The following MELK variants were observed in gnomAD, a reference collection of about 807,000 sequenced individuals.
The protein encoded by MELK is maternal embryonic leucine zipper kinase.
A neutral mutation model predicts 85.0 loss-of-function variants in MELK; 81 were observed. That is an observed-to-expected ratio of 0.95 (90% CI 0.80 to 1.15). The LOEUF is 1.15. MELK is among the 50% of genes most tolerant of loss of function. The pLI is 0.00. For synonymous variants in MELK, 252 were observed against 265.0 expected, an observed-to-expected ratio of 0.95 and a Z score of 0.48; for missense variants, 754 against 777.5, an observed-to-expected ratio of 0.97 and a Z score of 0.36.
chr9:36,614,128 G>A (rs556188165), intron 8 of MELK, among the ~76,000 whole-genome samples: 4 of 147,290 alleles, frequency 2.7e-5, no homozygotes, highest in Admixed American at 2.1e-4. Flanking sequence ...ACAGAGTCTC[G>A]CCCTGTCGTC....
At chr9:36,576,727 T>G (rs1821695627) in intron 1 of MELK, among the ~76,000 whole-genome samples, 1 of 152,126 alleles carries the variant, frequency 6.6e-6, no homozygotes, top group Admixed American at 6.6e-5. Flanking sequence ...AGACGGGGTT[T>G]CTGCATGTTG....
chr9:36,595,270 G>A (rs996302978), intron 5 of MELK, among the ~76,000 whole-genome samples: 1 of 151,958 alleles, frequency 6.6e-6, no homozygotes, highest in Non-Finnish European at 1.5e-5. Context: ...CGAGTGGCTG[G>A]GACTACAGGC....
chr9:36,583,772 C>T, intron 3 of MELK, 60 bp downstream of exon 3: 1 of 1,153,188 alleles, frequency 8.7e-7, no homozygotes, highest in Non-Finnish European at 1.3e-6. Context: ...GAATTAAAAC[C>T]TGAATTGTTC....
chr9:36,670,611 A>G (rs949121341), intron 15 of MELK, among the ~76,000 whole-genome samples: 10 of 151,574 alleles, frequency 6.6e-5, no homozygotes, highest in African/African-American at 2.4e-4. Context: ...ATCTATATAC[A>G]TATGTACATT....
chr9:36,621,275 G>GAAAAAAAAAAAAAAAAAA lies in MELK; in HGVS notation c.667-8999_667-8982dup, dbSNP rs74181196. Among the ~76,000 whole-genome samples, 7 of 32,446 alleles carry GAAAAAAAAAAAAAAAAAA rather than the reference G, an allele frequency of 2.2e-4. 2 individuals are homozygous for GAAAAAAAAAAAAAAAAAA. Among genetic ancestry groups the GAAAAAAAAAAAAAAAAAA allele is most frequent in the Non-Finnish European group, 6.2e-4 (7 of 11,226 alleles). 21.3% of individuals were successfully genotyped at this position (32,446 alleles called of 152,430 possible). On this transcript the variant is annotated intron_variant, in intron 8 of 17. Transcript: ENST00000298048. ...TGACAGAGTGAGACTCTGTCTCAGG[G>GAAAAAAAAAAAAAAAAAA]AAAAAAAAAAAAAAAAAAAAAAAAA...
rs1829893285 is a variant in MELK at position 36,642,984 on chromosome 9, T to A, written c.835-13T>A. On this transcript the variant is annotated splice_polypyrimidine_tract_variant and intron_variant, in intron 10 of 17. Coordinates refer to ENST00000298048, the MANE Select transcript of MELK (RefSeq NM_014791.4). ...AATTTTTTGTTAATAAAGTGCATAATTTTTTTTTGTAGTTTATTCACCTCG... is the reference window on the plus strand; with the variant it reads ...AATTTTTTGTTAATAAAGTGCATAAATTTTTTTTGTAGTTTATTCACCTCG... The A allele has an allele frequency of 6.7e-7, 1 of 1,496,784 alleles. No homozygotes were observed. Among genetic ancestry groups the A allele is most frequent in the Non-Finnish European group, 9.1e-7 (1 of 1,098,636 alleles). The allele number at this position is 1,496,784 out of a possible 1,614,324, so 92.7% of individuals were successfully genotyped here. A position where few individuals can be genotyped will look rare whatever the true frequency, so the allele number is the denominator to read the frequency against.
At chr9:36,656,840 C>A (rs1035310611) in intron 12 of MELK, among the ~76,000 whole-genome samples, 1 of 152,150 alleles carries the variant, frequency 6.6e-6, no homozygotes, top group Admixed American at 6.5e-5. Context: ...CTGGCTCCAA[C>A]GCCTGAGCTT....
At chr9:36,615,659 C>G (rs1826642469) in intron 8 of MELK, among the ~76,000 whole-genome samples, 1 of 139,500 alleles carries the variant, frequency 7.2e-6, no homozygotes, top group Non-Finnish European at 1.5e-5. Flanking sequence ...GGCAGAGACG[C>G]TCCTCACCTC....
intron 1 of MELK, among the ~76,000 whole-genome samples, chr9:36,578,788 C>T (rs1314854983): frequency 6.6e-6 from 1 of 152,088 alleles, no homozygotes; most frequent in African/African-American, 2.4e-5. Context: ...ATGTTACCTT[C>T]TCAGAAACCA....
intron 15 of MELK, 29 bp from the exon 16 acceptor site, chr9:36,670,969 C>T: frequency 1.9e-6 from 3 of 1,587,462 alleles, no homozygotes; most frequent in Non-Finnish European, 2.6e-6. Context: ...CCCAGCTCTA[C>T]TTGTGCCTTG....
chr9:36,579,629 G>A (rs956735624), intron 1 of MELK, among the ~76,000 whole-genome samples: 2 of 152,194 alleles, frequency 1.3e-5, no homozygotes, highest in Non-Finnish European at 2.9e-5. Flanking sequence ...ATGAATAAAT[G>A]AATAAGAGCA....
chr9:36,597,201 A>C (rs746837216), intron 5 of MELK, 21 bp from the exon 6 acceptor site: 88 of 1,597,752 alleles, frequency 5.5e-5, no homozygotes, highest in Non-Finnish European at 7.3e-5. Context: ...TACAGTTATC[A>C]AAATATCTTT....
intron 4 of MELK, 75 bp from the exon 5 acceptor site, chr9:36,594,553 T>C: frequency 6.6e-7 from 1 of 1,518,506 alleles, no homozygotes; most frequent in Non-Finnish European, 9.0e-7. Context: ...GAGTTAAGTG[T>C]ACTTTTTTAT....
At chr9:36,642,961 T>C (rs764417773) in intron 10 of MELK, 36 bp from the exon 11 acceptor site, 3 of 1,476,162 alleles carry the variant, frequency 2.0e-6, no homozygotes, top group East Asian at 4.7e-5. Context: ...ATATTTGTAA[T>C]TTTTTGTTAA....
In MELK at chr9:36,583,722, G is replaced by A; in HGVS notation, c.144+10G>A. The A allele has an allele frequency of 1.9e-6, 3 of 1,577,668 alleles. No individual in the cohort carries two copies. The highest frequency in any genetic ancestry group is 2.6e-6 in the Non-Finnish European group (3 of 1,149,474). On this transcript the variant is annotated intron_variant, in intron 3 of 17. Coordinates refer to ENST00000298048, the MANE Select transcript of MELK (RefSeq NM_014791.4). ...TAAAAACACACTAGGGGTAAGTTTA[G>A]ATTTATTTAAAAAATAGTCCACTTA...
intron 3 of MELK, among the ~76,000 whole-genome samples, chr9:36,584,325 T>G (rs538476899): frequency 7.0e-6 from 1 of 143,802 alleles, no homozygotes; most frequent in East Asian, 2.1e-4. Context: ...TCTTTACTTT[T>G]TTTTTTTTTT....
intron 3 of MELK, among the ~76,000 whole-genome samples, chr9:36,589,256 C>G (rs1379965031): frequency 6.6e-6 from 1 of 152,058 alleles, no homozygotes; most frequent in Non-Finnish European, 1.5e-5. Context: ...TCACGCCATT[C>G]TCCTGCCTCA....
chr9:36,595,204 C>T (rs768214528), intron 5 of MELK, among the ~76,000 whole-genome samples: 3 of 150,964 alleles, frequency 2.0e-5, no homozygotes, highest in Admixed American at 6.6e-5. Context: ...GGCGCGATCT[C>T]GGCTCACTGC....
intron 1 of MELK, among the ~76,000 whole-genome samples, chr9:36,579,084 G>A (rs1405706030): frequency 6.6e-6 from 1 of 152,012 alleles, no homozygotes; most frequent in Non-Finnish European, 1.5e-5. Context: ...CTGGAGTGCA[G>A]TGGCACGATC....
Sources: gnomAD v4.1 joint callset for allele counts (sites outside exome capture counted in the v4.1 genomes callset) on GRCh38, gnomAD v4.1.1 for gene constraint, MANE v1.5 for transcripts, NCBI Gene and HGNC (gene_info 2026-07-23, HGNC 2026-07-21) for gene names.